The following MEP1A variants were observed in gnomAD, a reference collection of about 807,000 sequenced individuals.
MEP1A encodes the protein meprin A subunit alpha, also known as N-benzoyl-L-tyrosyl-P-amino-benzoic acid hydrolase subunit alpha.
MEP1A carries 68 observed loss-of-function variants against 84.5 expected under a neutral mutation model. That is an observed-to-expected ratio of 0.80 (90% confidence interval 0.66 to 0.98). MEP1A has a LOEUF of 0.98. Ranked by LOEUF, MEP1A falls within the 50% of genes least tolerant of loss-of-function variation. The pLI, the probability that MEP1A is intolerant of heterozygous loss-of-function variation, is 0.00. For missense variants in MEP1A, 887 were observed against 919.9 expected, an observed-to-expected ratio of 0.96 and a Z score of 0.46; for synonymous variants, 337 against 336.8, an observed-to-expected ratio of 1.00 and a Z score of -0.01.
chr6:46,810,065 G>A (rs1033947488), intron 6 of MEP1A, among the ~76,000 whole-genome samples: 3 of 151,854 alleles, frequency 2.0e-5, no homozygotes, highest in African/African-American at 7.3e-5. Context: ...CACTGTACTA[G>A]TTTACATTCC....
intron 6 of MEP1A, among the ~76,000 whole-genome samples, chr6:46,818,240 A>T (rs1003526621): frequency 2.0e-5 from 3 of 152,204 alleles, no homozygotes; most frequent in African/African-American, 7.2e-5. Flanking sequence ...TATATAAATT[A>T]TACCTTAATA....
chr6:46,794,403 C>A (rs768846652), intron 3 of MEP1A, among the ~76,000 whole-genome samples: 2 of 152,218 alleles, frequency 1.3e-5, no homozygotes, highest in Non-Finnish European at 2.9e-5. Context: ...ATTTATTTGT[C>A]CAGTCTTGTC....
rs1768028533 is a variant in MEP1A, at chr6:46,829,496, A to G, written c.1069A>G (p.Arg357Gly). 3.7e-6 allele frequency: 6 copies of G among 1,614,126 alleles called. No homozygotes were observed. Among genetic ancestry groups the G allele is most frequent in the Non-Finnish European group, 5.1e-6 (6 of 1,180,046 alleles). The change falls in exon 10 of 14, where the codon AGA becomes GGA. Residue 357 changes from arginine (R) to glycine (G), a missense_variant. Coordinates refer to ENST00000230588, the MANE Select transcript of MEP1A (RefSeq NM_005588.3). The stretch of plus-strand genomic sequence containing the variant: ...TAAAATGACGGGAAGTCCTTCAGAC[A>G]GACTCGTTGTCTGGGTCAGGAGGGA... ...FYKMTGSPSD[R>G]LVVWVRRDDS...
At chr6:46,818,455 A>T (rs1321091917) in intron 6 of MEP1A, among the ~76,000 whole-genome samples, 1 of 152,194 alleles carries the variant, frequency 6.6e-6, no homozygotes, top group Non-Finnish European at 1.5e-5. Context: ...GGTAAAATAT[A>T]GATCTTCATT....
intron 5 of MEP1A, among the ~76,000 whole-genome samples, chr6:46,808,762 G>A (rs1028739807): frequency 1.3e-5 from 2 of 151,952 alleles, no homozygotes; most frequent in African/African-American, 4.8e-5. Context: ...TGCTGCTTGG[G>A]TGCTGAGCTC....
chr6:46,807,604 GGAAGGAAGGAAGGAAGGAAA>G (rs749843600), intron 5 of MEP1A, among the ~76,000 whole-genome samples: 2,294 of 84,602 alleles, frequency 0.027, 163 homozygotes, highest in Middle Eastern at 0.039. Context: ...AAGGAAGGAA[GGAAGGAAGGAAGGAAGGAAA>G]GAAGGAAGGA....
intron 5 of MEP1A, among the ~76,000 whole-genome samples, chr6:46,807,046 TC>T (rs1281935097): frequency 6.6e-6 from 1 of 151,974 alleles, no homozygotes; most frequent in African/African-American, 2.4e-5. Context: ...AGATTCAAGC[TC>T]CTTGACAATT....
intron 7 of MEP1A, among the ~76,000 whole-genome samples, chr6:46,822,856 G>A (rs531990423): frequency 6.6e-6 from 1 of 152,156 alleles, no homozygotes; most frequent in South Asian, 2.1e-4. Flanking sequence ...CTAATCAGAT[G>A]GTTTTATGGA....
chr6:46,841,685 A>T (rs1384892239), downstream of MEP1A, among the ~76,000 whole-genome samples: 1 of 152,194 alleles, frequency 6.6e-6, no homozygotes, highest in Non-Finnish European at 1.5e-5. Flanking sequence ...CATATCCTCG[A>T]TACATCCCCA....
chr6:46,822,938 T>C (rs113987758), intron 7 of MEP1A, among the ~76,000 whole-genome samples: 2 of 152,270 alleles, frequency 1.3e-5, no homozygotes, highest in African/African-American at 2.4e-5. Context: ...ACCAAGAGAT[T>C]GTAGACTCTT....
chr6:46,813,054 G>A (rs964451772), intron 6 of MEP1A, among the ~76,000 whole-genome samples: 16 of 151,994 alleles, frequency 1.1e-4, no homozygotes, highest in African/African-American at 3.4e-4. Flanking sequence ...GTCTAGTGCC[G>A]TCAGTGAGTA....
intron 6 of MEP1A, 43 bp from the exon 7 acceptor site, chr6:46,819,485 TA>T: frequency 6.5e-7 from 1 of 1,527,146 alleles, no homozygotes; most frequent in Non-Finnish European, 8.9e-7. Context: ...GACAGCCACT[TA>T]AAAATTCTCT....
chr6:46,794,848 A>G (rs1263325573), intron 3 of MEP1A, among the ~76,000 whole-genome samples: 7 of 152,198 alleles, frequency 4.6e-5, no homozygotes, highest in Admixed American at 3.9e-4. Context: ...TTCTAATCTC[A>G]TCATTATTTA....
rs542123173 is a variant in MEP1A, at chr6:46,818,586, T to A, written c.381-943T>A. Among the ~76,000 whole-genome samples, 7 of 152,254 alleles carry A rather than the reference T, an allele frequency of 4.6e-5. No individual in the cohort carries two copies. In the South Asian group the frequency reaches 1.5e-3, roughly 32 times the overall value. ...GGGGGGAGAATGAAAGAGGAAGACA[T>A]TCTACCGTAAGGAATTCAGGGAATC... On this transcript the variant is annotated intron_variant, in intron 6 of 13. Transcript: ENST00000230588.
chr6:46,798,524 C>A, intron 3 of MEP1A, 82 bp from the exon 4 acceptor site: 1 of 1,140,738 alleles, frequency 8.8e-7, no homozygotes, highest in Non-Finnish European at 1.3e-6. Flanking sequence ...TTTATAATGG[C>A]AAATACTAAT....
chr6:46,797,836 T>TTCTTTC (rs1350752447), intron 3 of MEP1A, among the ~76,000 whole-genome samples: 1 of 138,650 alleles, frequency 7.2e-6, no homozygotes, highest in Non-Finnish European at 1.6e-5. Context: ...CTTTCTTTCT[T>TTCTTTC]TCTCTCTCTC....
In MEP1A at chr6:46,824,151, A is replaced by G. The variant is rs149173208; in HGVS notation, c.557-1121A>G. 1.2e-3 allele frequency among the ~76,000 whole-genome samples: 182 copies of G among 152,276 alleles called. 2 individuals are homozygous for G. The highest frequency in any genetic ancestry group is 4.0e-3 in the African/African-American group (166 of 41,556). On this transcript the variant is annotated intron_variant, in intron 7 of 13. Transcript: ENST00000230588. ...GCTGTTAGAACGATGTGTCTTGAACATAATTGATTGTGAACATTTTCCTGA... is the reference window on the plus strand; with the variant it reads ...GCTGTTAGAACGATGTGTCTTGAACGTAATTGATTGTGAACATTTTCCTGA...
At chr6:46,825,135 T>C (rs1767907396) in intron 7 of MEP1A, 137 bp from the exon 8 acceptor site, 1 of 212,610 alleles carries the variant, frequency 4.7e-6, no homozygotes, top group Non-Finnish European at 8.9e-6. Flanking sequence ...AAATTATGTA[T>C]TTAAATAAAT....
intron 5 of MEP1A, among the ~76,000 whole-genome samples, chr6:46,799,582 A>G (rs1336703582): frequency 6.6e-6 from 1 of 152,174 alleles, no homozygotes; most frequent in Non-Finnish European, 1.5e-5. Context: ...GAAACATGCC[A>G]CACTTTGAGA....
Sources: gnomAD v4.1 joint callset for allele counts (sites outside exome capture counted in the v4.1 genomes callset) on GRCh38, gnomAD v4.1.1 for gene constraint, MANE v1.5 for transcripts, NCBI Gene and HGNC (gene_info 2026-07-23, HGNC 2026-07-21) for gene names.